Variants in RBFOX1 observed in about 807,000 individuals in gnomAD.
RBFOX1 encodes the protein RNA binding fox-1 homolog 1.
In RBFOX1, 8 loss-of-function variants were observed where a neutral mutation model predicts 57.7. That is an observed-to-expected ratio of 0.14 (90% CI 0.08 to 0.25). The LOEUF is 0.25. RBFOX1 is among the 10% of genes least tolerant of loss of function. The pLI is 1.00. For missense variants in RBFOX1, 611 were observed against 548.5 expected (o/e 1.11, Z -1.14); for synonymous variants, 326 against 222.4 (o/e 1.47, Z -4.15).
intron 1 of RBFOX1, among the ~76,000 whole-genome samples, chr16:6,193,904 G>T (rs536236918): frequency 3.3e-5 from 5 of 152,142 alleles, no homozygotes; most frequent in East Asian, 3.9e-4. Context: ...ATCTTCCTGT[G>T]TTCACACCTA....
chr16:7,163,299 G>C (rs2078767822), intron 4 of RBFOX1, among the ~76,000 whole-genome samples: 1 of 152,138 alleles, frequency 6.6e-6, no homozygotes, highest in South Asian at 2.1e-4. Flanking sequence ...CGTCACTGTG[G>C]AGAGCCCTTG....
At chr16:6,289,634 A>G (rs755762683) in intron 1 of RBFOX1, among the ~76,000 whole-genome samples, 4 of 152,168 alleles carry the variant, frequency 2.6e-5, no homozygotes, top group Admixed American at 6.5e-5. Flanking sequence ...CACAAACAAG[A>G]CTAATTTTGA....
At chr16:7,458,735 C>G (rs572642657) in intron 4 of RBFOX1, among the ~76,000 whole-genome samples, 5 of 152,130 alleles carry the variant, frequency 3.3e-5, no homozygotes, top group African/African-American at 1.2e-4. Context: ...TAGCTCATTA[C>G]CTTTTCAGAT....
chr16:7,456,932 C>T (rs1369113178), intron 4 of RBFOX1, among the ~76,000 whole-genome samples: 1 of 151,892 alleles, frequency 6.6e-6, no homozygotes, highest in African/African-American at 2.4e-5. Context: ...GCTCTTGTTG[C>T]CCAGGCTGAG....
chr16:7,303,016 C>G (rs1248499629), intron 4 of RBFOX1, among the ~76,000 whole-genome samples: 2 of 152,210 alleles, frequency 1.3e-5, no homozygotes, highest in African/African-American at 2.4e-5. Context: ...TCTTATCAGA[C>G]ACGGACTTCC....
intron 4 of RBFOX1, among the ~76,000 whole-genome samples, chr16:5,899,306 A>G (rs571384113): frequency 1.3e-5 from 2 of 151,980 alleles, no homozygotes; most frequent in Non-Finnish European, 2.9e-5. Flanking sequence ...AGACACAAAC[A>G]TGATGAGATC....
chr16:7,417,528 TTGTGTGTGTG>T (rs545621108), intron 4 of RBFOX1, among the ~76,000 whole-genome samples: 1 of 68,388 alleles, frequency 1.5e-5, no homozygotes, highest in Non-Finnish European at 3.3e-5. Flanking sequence ...TCACATGGTA[TTGTGTGTGTG>T]TGTGTGTGTG....
At chr16:7,097,166 C>G (rs1460639314) in intron 4 of RBFOX1, among the ~76,000 whole-genome samples, 1 of 152,080 alleles carries the variant, frequency 6.6e-6, no homozygotes, top group East Asian at 1.9e-4. Context: ...TCGAGCAAGA[C>G]TTTTCCAAGA....
At chr16:6,376,096 T>A (rs1158163433) in intron 2 of RBFOX1, among the ~76,000 whole-genome samples, 1 of 152,178 alleles carries the variant, frequency 6.6e-6, no homozygotes, top group African/African-American at 2.4e-5. Context: ...CATGATTTCT[T>A]CTTCTTTTAC....
At chr16:7,118,958 G>T (rs995369657) in intron 4 of RBFOX1, among the ~76,000 whole-genome samples, 2 of 152,112 alleles carry the variant, frequency 1.3e-5, no homozygotes, top group African/African-American at 4.8e-5. Context: ...TGTGAGTTTG[G>T]TAGCAAATAC....
chr16:5,656,932 G>T (rs1031081178), intron 3 of RBFOX1, among the ~76,000 whole-genome samples: 1 of 152,150 alleles, frequency 6.6e-6, no homozygotes. Flanking sequence ...GGACCTGTCA[G>T]GGGGTGGGGA....
chr16:7,218,081 G>C (rs113027730), intron 4 of RBFOX1, among the ~76,000 whole-genome samples: 11 of 55,020 alleles, frequency 2.0e-4, no homozygotes, highest in South Asian at 6.1e-4. Flanking sequence ...GTGTGCGTCT[G>C]TGTGTGTGTG....
At chr16:7,299,157 C>A (rs1203163548) in intron 4 of RBFOX1, among the ~76,000 whole-genome samples, 1 of 152,174 alleles carries the variant, frequency 6.6e-6, no homozygotes, top group African/African-American at 2.4e-5. Flanking sequence ...TTGACTCCCA[C>A]CATCTGTGTT....
intron 1 of RBFOX1, among the ~76,000 whole-genome samples, chr16:6,240,014 A>G (rs2097532008): frequency 6.6e-6 from 1 of 152,014 alleles, no homozygotes; most frequent in Non-Finnish European, 1.5e-5. Flanking sequence ...GGATCTCTCA[A>G]GGCTTGGTGC....
At chr16:6,876,885 A>T (rs756013627) in intron 3 of RBFOX1, among the ~76,000 whole-genome samples, 1 of 152,210 alleles carries the variant, frequency 6.6e-6, no homozygotes, top group Admixed American at 6.5e-5. Context: ...TAAATGCAAA[A>T]GTGCTTTTAG....
chr16:7,228,018 G>T (rs556953705), intron 4 of RBFOX1, among the ~76,000 whole-genome samples: 1 of 152,240 alleles, frequency 6.6e-6, no homozygotes, highest in South Asian at 2.1e-4. Flanking sequence ...GATACCAGTA[G>T]CACCCACCCA....
intron 12 of RBFOX1, among the ~76,000 whole-genome samples, chr16:7,661,729 G>C (rs1406900072): frequency 6.6e-6 from 1 of 152,208 alleles, no homozygotes; most frequent in Non-Finnish European, 1.5e-5. Context: ...GTACAGGAAA[G>C]CTTTCAGTCA....
At chr16:7,682,804 A>C (rs568269581) in intron 14 of RBFOX1, among the ~76,000 whole-genome samples, 2 of 150,098 alleles carry the variant, frequency 1.3e-5, no homozygotes, top group South Asian at 4.2e-4. Flanking sequence ...TTGTTCATTT[A>C]AAGTTTACTT....
At chr16:5,347,869 A>T (rs370534930) in intron 1 of RBFOX1, among the ~76,000 whole-genome samples, 5 of 137,028 alleles carry the variant, frequency 3.6e-5, no homozygotes, top group African/African-American at 1.4e-4. Context: ...CTTTCACTCA[A>T]TAATGCACTC....
Sources: gnomAD v4.1 joint callset for allele counts (sites outside exome capture counted in the v4.1 genomes callset) on GRCh38, gnomAD v4.1.1 for gene constraint, MANE v1.5 for transcripts, NCBI Gene and HGNC (gene_info 2026-07-23, HGNC 2026-07-21) for gene names.